Variants in UNC5D observed in about 807,000 individuals in gnomAD.
UNC5D encodes netrin receptor UNC5D.
In UNC5D, 39 loss-of-function variants were observed where a neutral mutation model predicts 105.4. The observed-to-expected ratio is 0.37, with a 90% CI of 0.29 to 0.48. The LOEUF (loss-of-function observed/expected upper bound fraction) is 0.48. UNC5D is among the 20% of genes least tolerant of loss of function. The probability of loss-of-function intolerance (pLI) is 0.98; values close to 1 mark genes in which losing one functional copy is unlikely to be tolerated. For missense variants in UNC5D, 991 were observed against 1,202.4 expected, an observed-to-expected ratio of 0.82 and a Z score of 2.60; for synonymous variants, 452 against 450.4, an observed-to-expected ratio of 1.00 and a Z score of -0.04.
chr8:35,394,380 A>G (rs1007648810), intron 1 of UNC5D, among the ~76,000 whole-genome samples: 4 of 152,200 alleles, frequency 2.6e-5, no homozygotes, highest in Non-Finnish European at 5.9e-5. Flanking sequence ...AATACAAAAA[A>G]GTTGTACACT....
chr8:35,646,837 A>C (rs1823084509), intron 4 of UNC5D, among the ~76,000 whole-genome samples: 1 of 152,172 alleles, frequency 6.6e-6, no homozygotes, highest in Admixed American at 6.5e-5. Flanking sequence ...ACTCTGACTT[A>C]ATATATTTAA....
chr8:35,465,803 G>C (rs1809263484), intron 1 of UNC5D, among the ~76,000 whole-genome samples: 1 of 152,096 alleles, frequency 6.6e-6, no homozygotes, highest in Non-Finnish European at 1.5e-5. Context: ...TGCAATCCCA[G>C]GGGTCCTTAA....
intron 16 of UNC5D, among the ~76,000 whole-genome samples, chr8:35,776,980 G>A (rs1384858202): frequency 6.6e-6 from 1 of 152,178 alleles, no homozygotes; most frequent in Non-Finnish European, 1.5e-5. Context: ...AATTAGCCGG[G>A]TGCGGTGGCT....
intron 9 of UNC5D, among the ~76,000 whole-genome samples, chr8:35,725,523 G>T (rs555935444): frequency 6.6e-6 from 1 of 151,806 alleles, no homozygotes; most frequent in African/African-American, 2.4e-5. Flanking sequence ...TTTTTCCCTC[G>T]CAGAGTGACA....
In UNC5D at chr8:35,790,430, A is replaced by T. The variant is rs1487732118; in HGVS notation, c.2729A>T (p.Gln910Leu). 5 of 1,614,008 alleles carry T rather than the reference A, an allele frequency of 3.1e-6. No homozygotes were observed. The highest frequency in any genetic ancestry group is 1.7e-4 in the Middle Eastern group (1 of 6,052). The change falls in exon 17 of 17, where the codon CAG becomes CTG. Residue 910 changes from glutamine (Q) to leucine (L), a missense_variant. This residue lies in a region of UNC5D where 45 missense variants were observed against 54.5 expected (regional missense o/e 0.83). Coordinates refer to ENST00000404895, the MANE Select transcript of UNC5D (RefSeq NM_080872.4). ...VILNLWEARH[Q>L]HDGDLDSLAC... The stretch of plus-strand genomic sequence containing the variant: ...TTGAACCTGTGGGAAGCTCGTCATC[A>T]GCATGATGGTGATCTTGACTCCCTG...
chr8:35,238,419 C>T (rs1270112219), intron 1 of UNC5D, among the ~76,000 whole-genome samples: 2 of 152,230 alleles, frequency 1.3e-5, no homozygotes, highest in Non-Finnish European at 2.9e-5. Context: ...TAAGACTTAG[C>T]TCTTCAGATG....
In UNC5D at chr8:35,447,066, G is replaced by A. The variant is rs565852830; in HGVS notation, c.104-102226G>A. ...GAGCTAAGAGTGAGCATTTTGGTGC[G>A]ACAATTTTTAATGCCATATGGTTTT... On this transcript the variant is annotated intron_variant, in intron 1 of 16. Coordinates refer to ENST00000404895, the MANE Select transcript of UNC5D (RefSeq NM_080872.4). 1.3e-3 allele frequency among the ~76,000 whole-genome samples: 201 copies of A among 152,062 alleles called. 1 individual carries two copies. Among genetic ancestry groups the A allele is most frequent in the Non-Finnish European group, 2.4e-3 (165 of 67,952 alleles).
intron 1 of UNC5D, among the ~76,000 whole-genome samples, chr8:35,239,209 G>C (rs919304430): frequency 6.6e-6 from 1 of 152,092 alleles, no homozygotes; most frequent in Non-Finnish European, 1.5e-5. Context: ...CTATCGGTGG[G>C]TCTGTGGTTC....
intron 4 of UNC5D, among the ~76,000 whole-genome samples, chr8:35,600,415 A>G (rs940808007): frequency 5.3e-5 from 8 of 152,278 alleles, no homozygotes; most frequent in Non-Finnish European, 7.4e-5. Flanking sequence ...TTACAGTCTC[A>G]CCAACAGTGT....
chr8:35,543,805 C>T (rs891441964), intron 1 of UNC5D, among the ~76,000 whole-genome samples: 2 of 152,164 alleles, frequency 1.3e-5, no homozygotes, highest in East Asian at 1.9e-4. Flanking sequence ...CGCAGTCCAG[C>T]TCACAGGTTA....
At chr8:35,693,572 A>G (rs1246784092) in intron 7 of UNC5D, among the ~76,000 whole-genome samples, 2 of 152,120 alleles carry the variant, frequency 1.3e-5, no homozygotes, top group African/African-American at 4.8e-5. Context: ...TGTTGTCACC[A>G]TCTTCTATTT....
chr8:35,603,982 C>T (rs1325977175), intron 4 of UNC5D, among the ~76,000 whole-genome samples: 4 of 152,148 alleles, frequency 2.6e-5, no homozygotes, highest in Non-Finnish European at 4.4e-5. Flanking sequence ...ACTGATGGGT[C>T]TTGACTCTTT....
chr8:35,370,310 A>C (rs2128924443), intron 1 of UNC5D, among the ~76,000 whole-genome samples: 1 of 152,356 alleles, frequency 6.6e-6, no homozygotes, highest in South Asian at 2.1e-4. Context: ...GAAAAAATAT[A>C]GTTTGTAGTA....
chr8:35,425,559 T>C (rs759928827), intron 1 of UNC5D, among the ~76,000 whole-genome samples: 7 of 152,166 alleles, frequency 4.6e-5, no homozygotes, highest in Non-Finnish European at 1.0e-4. Context: ...AGTAAGTGTT[T>C]ATAGAAATGT....
chr8:35,406,124 C>T (rs1417430667), intron 1 of UNC5D, among the ~76,000 whole-genome samples: 1 of 152,018 alleles, frequency 6.6e-6, no homozygotes, highest in African/African-American at 2.4e-5. Context: ...AAAATAGTGC[C>T]TCAAACGGGA....
intron 4 of UNC5D, among the ~76,000 whole-genome samples, chr8:35,676,433 CCT>C (rs1465993495): frequency 6.6e-6 from 1 of 152,102 alleles, no homozygotes; most frequent in Non-Finnish European, 1.5e-5. Context: ...GAATGTTAGG[CCT>C]CTCTGTCAGA....
intron 4 of UNC5D, among the ~76,000 whole-genome samples, chr8:35,637,523 C>T (rs1187765279): frequency 2.0e-5 from 3 of 152,034 alleles, no homozygotes; most frequent in East Asian, 1.9e-4. Flanking sequence ...ATGTGAAATA[C>T]GGGAACAGAG....
chr8:35,398,936 G>T (rs1759539584), intron 1 of UNC5D, among the ~76,000 whole-genome samples: 1 of 151,902 alleles, frequency 6.6e-6, no homozygotes, highest in African/African-American at 2.4e-5. Flanking sequence ...TGGGCAGATT[G>T]CCTGAGCTCA....
chr8:35,279,332 AC>A (rs1805990294), intron 1 of UNC5D, among the ~76,000 whole-genome samples: 1 of 152,210 alleles, frequency 6.6e-6, no homozygotes, highest in Admixed American at 6.5e-5. Flanking sequence ...GTCCACCTGT[AC>A]CTTGGTGAGT....
Sources: gnomAD v4.1 joint callset for allele counts (sites outside exome capture counted in the v4.1 genomes callset) on GRCh38, gnomAD v4.1.1 for gene constraint, gnomAD v4.1.1 regional missense constraint, MANE v1.5 for transcripts, NCBI Gene and HGNC (gene_info 2026-07-23, HGNC 2026-07-21) for gene names.